MECOM: variants seen among roughly 807,000 people sequenced by gnomAD.
The protein encoded by MECOM is MDS1 and EVI1 complex locus.
In MECOM, 13 loss-of-function variants were observed where a neutral mutation model predicts 116.3. The ratio of observed to expected loss-of-function variants is 0.11; its 90% CI spans 0.07 to 0.18. The LOEUF is 0.18. Among genes scored for constraint, MECOM ranks in the 10% least tolerant of loss-of-function variants. The pLI, the probability that MECOM is intolerant of heterozygous loss-of-function variation, is 1.00. For synonymous variants in MECOM, 528 were observed against 535.2 expected (o/e 0.99, Z 0.19); for missense variants, 1,299 against 1,509.0 (o/e 0.86, Z 2.31).
chr3:169,539,412 T>C (rs1759789015), intron 1 of MECOM, among the ~76,000 whole-genome samples: 1 of 152,226 alleles, frequency 6.6e-6, no homozygotes, highest in Admixed American at 6.5e-5. Context: ...CCTTATGTTT[T>C]AGAGTCTCTT....
chr3:169,307,582 A>C (rs1717953590), intron 2 of MECOM, among the ~76,000 whole-genome samples: 1 of 152,194 alleles, frequency 6.6e-6, no homozygotes, highest in African/African-American at 2.4e-5. Flanking sequence ...AGAATAAATA[A>C]ATAAAAATAA....
intron 1 of MECOM, among the ~76,000 whole-genome samples, chr3:169,632,267 A>T (rs1452139435): frequency 6.6e-6 from 1 of 152,136 alleles, no homozygotes; most frequent in African/African-American, 2.4e-5. Flanking sequence ...AAAACTCAGA[A>T]ATCTCATATC....
chr3:169,416,804 A>G (rs1429457250), intron 1 of MECOM, among the ~76,000 whole-genome samples: 1 of 152,088 alleles, frequency 6.6e-6, no homozygotes, highest in African/African-American at 2.4e-5. Flanking sequence ...ATAACGCCGC[A>G]TATCTACAAC....
chr3:169,272,977 A>G (rs1759131562), intron 2 of MECOM, among the ~76,000 whole-genome samples: 1 of 152,164 alleles, frequency 6.6e-6, no homozygotes, highest in Non-Finnish European at 1.5e-5. Context: ...AAGCTGGCCA[A>G]GGAGAAACAC....
intron 1 of MECOM, among the ~76,000 whole-genome samples, chr3:169,657,067 G>A (rs1473244722): frequency 1.3e-5 from 2 of 152,166 alleles, no homozygotes; most frequent in Admixed American, 1.3e-4. Flanking sequence ...AACCATCTGG[G>A]CAGAGTTCTA....
chr3:169,248,643 A>T (rs1755883139), intron 2 of MECOM, among the ~76,000 whole-genome samples: 1 of 152,202 alleles, frequency 6.6e-6, no homozygotes, highest in South Asian at 2.1e-4. Flanking sequence ...GAATATGACC[A>T]TATTTGGAGA....
At chr3:169,582,035 T>A (rs150666678) in intron 1 of MECOM, among the ~76,000 whole-genome samples, 110 of 152,372 alleles carry the variant, frequency 7.2e-4, no homozygotes, top group African/African-American at 2.5e-3. Context: ...ATTCCTTCTA[T>A]AAGTTTGGTA....
chr3:169,158,642 C>T (rs1004687878), intron 2 of MECOM, among the ~76,000 whole-genome samples: 2 of 152,080 alleles, frequency 1.3e-5, no homozygotes, highest in African/African-American at 4.8e-5. Flanking sequence ...GCCGAAGCCA[C>T]GGTGGTCCAT....
chr3:169,085,037 C>G lies in MECOM; in HGVS notation c.3592G>C (p.Ala1198Pro). 1 of 1,613,956 alleles carries G rather than the reference C, an allele frequency of 6.2e-7. No individual in the cohort carries two copies. Among genetic ancestry groups the G allele is most frequent in the Non-Finnish European group, 8.5e-7 (1 of 1,179,934 alleles). ...TTGTCAGACAGTGACAGCATCATAG[C>G]ATATGCCTGGGGTAAAAAGGAGAGA... is the stretch of plus-strand genomic sequence containing the variant. ...LHRKSKSQAY[A>P]MMLSLSDKES... The change falls in exon 17 of 17, where the codon GCT (alanine) becomes CCT (proline). Residue 1198 changes from alanine to proline, a missense_variant. Ala to Pro is a conservative substitution (Grantham distance 27). Coordinates refer to ENST00000651503, the MANE Select transcript of MECOM (RefSeq NM_004991.4).
At chr3:169,497,444 C>CA (rs1753957872) in intron 1 of MECOM, among the ~76,000 whole-genome samples, 1 of 151,692 alleles carries the variant, frequency 6.6e-6, no homozygotes, top group Non-Finnish European at 1.5e-5. Flanking sequence ...CTCCTGGGTT[C>CA]AAGTGATTCT....
chr3:169,416,910 A>G (rs1358274287), intron 1 of MECOM, among the ~76,000 whole-genome samples: 1 of 152,234 alleles, frequency 6.6e-6, no homozygotes, highest in African/African-American at 2.4e-5. Flanking sequence ...CCATATGTAG[A>G]AAGCTGAAAC....
At chr3:169,197,164 A>G (rs986337556) in intron 2 of MECOM, among the ~76,000 whole-genome samples, 1 of 151,914 alleles carries the variant, frequency 6.6e-6, no homozygotes, top group East Asian at 1.9e-4. Flanking sequence ...GACGCACTTT[A>G]GGGTGGAGAG....
At chr3:169,527,703 G>A (rs1020646287) in intron 1 of MECOM, among the ~76,000 whole-genome samples, 1 of 152,094 alleles carries the variant, frequency 6.6e-6, no homozygotes, top group African/African-American at 2.4e-5. Context: ...AGCTCTGAGG[G>A]CCTATGGTTA....
At chr3:169,369,279 G>A (rs1033560033) in intron 2 of MECOM, among the ~76,000 whole-genome samples, 1 of 149,664 alleles carries the variant, frequency 6.7e-6, no homozygotes, top group Non-Finnish European at 1.5e-5. Flanking sequence ...TTGAGCCCAG[G>A]CCAAAACCAG....
At chr3:169,213,817 C>G (rs183907764) in intron 2 of MECOM, among the ~76,000 whole-genome samples, 1 of 152,028 alleles carries the variant, frequency 6.6e-6, no homozygotes, top group African/African-American at 2.4e-5. Flanking sequence ...AAAACTAAAC[C>G]AGAAGTTTCC....
intron 10 of MECOM, among the ~76,000 whole-genome samples, chr3:169,104,925 T>A (rs541788328): frequency 6.6e-6 from 1 of 152,236 alleles, no homozygotes; most frequent in African/African-American, 2.4e-5. Flanking sequence ...GGCTAAATAA[T>A]GACATTCTTA....
At chr3:169,101,306 G>A (rs1723476617) in intron 11 of MECOM, among the ~76,000 whole-genome samples, 1 of 152,102 alleles carries the variant, frequency 6.6e-6, no homozygotes. Flanking sequence ...TATGATAAGA[G>A]TTTCTGATTC....
chr3:169,348,604 T>C (rs549411207), intron 2 of MECOM, among the ~76,000 whole-genome samples: 1 of 152,118 alleles, frequency 6.6e-6, no homozygotes, highest in Non-Finnish European at 1.5e-5. Flanking sequence ...ACACTGTAAT[T>C]ACTATTATTA....
intron 7 of MECOM, among the ~76,000 whole-genome samples, chr3:169,120,167 T>G (rs2149108584): frequency 6.6e-6 from 1 of 152,280 alleles, no homozygotes; most frequent in South Asian, 2.1e-4. Context: ...GTAGCACAAC[T>G]CAATAAGTCA....
Sources: gnomAD v4.1 joint callset for allele counts (sites outside exome capture counted in the v4.1 genomes callset) on GRCh38, gnomAD v4.1.1 for gene constraint, MANE v1.5 for transcripts, NCBI Gene and HGNC (gene_info 2026-07-23, HGNC 2026-07-21) for gene names.